Variants in RNF149 observed in about 807,000 individuals in gnomAD.
The protein encoded by RNF149 is E3 ubiquitin-protein ligase RNF149.
A neutral mutation model predicts 39.0 loss-of-function variants in RNF149; 21 were observed. That is an observed-to-expected ratio of 0.54 (90% confidence interval 0.38 to 0.77). The LOEUF is 0.77. RNF149 is among the 30% of genes least tolerant of loss of function. The probability of loss-of-function intolerance (pLI) is 0.00; values close to 1 mark genes in which losing one functional copy is unlikely to be tolerated. For missense variants in RNF149, 493 were observed against 534.9 expected (o/e 0.92, Z 0.77); for synonymous variants, 209 against 213.6 (o/e 0.98, Z 0.19).
chr2:101,272,721 C>G, downstream of RNF149: 1 of 347,384 alleles, frequency 2.9e-6, no homozygotes, highest in South Asian at 2.2e-5. Context: ...ATAATTTCAG[C>G]CTTCATTGAG....
In RNF149 at chr2:101,308,403, G is replaced by A. The variant is rs1247621634; in HGVS notation, c.186C>T (p.Gly62=). 6.2e-7 allele frequency: 1 copy of A among 1,610,608 alleles called. No individual in the cohort carries two copies. Among genetic ancestry groups the A allele is most frequent in the East Asian group, 2.2e-5 (1 of 44,722 alleles). Residue 62 remains glycine, a synonymous_variant, in exon 1 of 7, where the codon GGC becomes GGT. Coordinates refer to ENST00000295317, the MANE Select transcript of RNF149 (RefSeq NM_173647.4). ...NLTVWSVSES[G]RFGDSSPKEG... is the part of the protein sequence containing the mutation. ...CCTTGGGCGAGCTGTCGCCGAAGCGGCCACTCTCCGAGACGCTCCACACCG... is the reference window on the plus strand; with the variant it reads ...CCTTGGGCGAGCTGTCGCCGAAGCGACCACTCTCCGAGACGCTCCACACCG...
intron 1 of RNF149, among the ~76,000 whole-genome samples, chr2:101,298,528 G>C (rs887172890): frequency 1.3e-5 from 2 of 152,040 alleles, no homozygotes; most frequent in Non-Finnish European, 2.9e-5. Context: ...AAGGAAAAAA[G>C]GTATATAAAT....
chr2:101,273,994 A>G (rs1218085314), downstream of RNF149, among the ~76,000 whole-genome samples: 1 of 152,178 alleles, frequency 6.6e-6, no homozygotes. Flanking sequence ...CTGCTGATTA[A>G]GAAATCACAC....
At chr2:101,306,451 T>C (rs1320380818) in intron 1 of RNF149, among the ~76,000 whole-genome samples, 1 of 152,214 alleles carries the variant, frequency 6.6e-6, no homozygotes, top group African/African-American at 2.4e-5. Flanking sequence ...TTGTAATCAC[T>C]GGAATAACCG....
In RNF149 at chr2:101,308,695, C is replaced by G; in HGVS notation, c.-107G>C. ...CCACCGCCGCCCTGGAAGACTGAGG[C>G]GGGGTCGGGGCCGCTGCGCACGCGC... On this transcript the variant is annotated 5_prime_UTR_variant, in exon 1 of 7. Coordinates refer to ENST00000295317, the MANE Select transcript of RNF149 (RefSeq NM_173647.4). 1.9e-6 allele frequency: 2 copies of G among 1,076,516 alleles called. No individual in the cohort carries two copies. Among genetic ancestry groups the G allele is most frequent in the Non-Finnish European group, 2.5e-6 (2 of 790,984 alleles). The allele number at this position is 1,076,516 out of a possible 1,614,324, so 66.7% of individuals were successfully genotyped here. A position where few individuals can be genotyped will look rare whatever the true frequency, so the allele number is the denominator to read the frequency against.
intron 3 of RNF149, among the ~76,000 whole-genome samples, chr2:101,291,211 C>A (rs572485613): frequency 8.6e-5 from 13 of 151,734 alleles, no homozygotes; most frequent in African/African-American, 3.2e-4. Context: ...AGGGCAGTGG[C>A]GCGATCTTGG....
In RNF149 at chr2:101,281,922, C is replaced by T; in HGVS notation, c.1096G>A (p.Glu366Lys). The change falls in exon 6 of 7, where the codon GAA (glutamate) becomes AAA (lysine). Residue 366 changes from glutamate (E) to lysine (K), a missense_variant. Transcript: ENST00000295317. ...CTGGGATCACACTGTGGCTCAGATT[C>T]AGCAGGGGAGGCTGATGGTGGACTG... is the stretch of plus-strand genomic sequence containing the variant. ...DSSPPSASPA[E>K]SEPQCDPSFK... The T allele has an allele frequency of 3.1e-6, 5 of 1,614,054 alleles. No homozygotes were observed. Among genetic ancestry groups the T allele is most frequent in the Non-Finnish European group, 4.2e-6 (5 of 1,179,990 alleles).
chr2:101,275,979 A>G lies in RNF149; in HGVS notation c.*1259T>C, dbSNP rs1422955503. ...GTTTATTTCAGTAAAACTGTTTACT[A>G]TTTCATGATGAGTAGCTAGAATTAA... On this transcript the variant is annotated 3_prime_UTR_variant, in exon 7 of 7. Transcript: ENST00000295317. 4 of 956,482 alleles carry G rather than the reference A, an allele frequency of 4.2e-6. No homozygotes were observed. Among genetic ancestry groups the G allele is most frequent in the Non-Finnish European group, 1.2e-6 (1 of 803,796 alleles). 59.2% of individuals were successfully genotyped at this position (956,482 alleles called of 1,614,324 possible).
At chr2:101,278,517 G>A (rs1376996831) in intron 6 of RNF149, among the ~76,000 whole-genome samples, 6 of 151,900 alleles carry the variant, frequency 3.9e-5, no homozygotes, top group Non-Finnish European at 7.4e-5. Context: ...AAATATAAGT[G>A]TATATTTATA....
At chr2:101,306,488 C>T (rs1683664684) in intron 1 of RNF149, among the ~76,000 whole-genome samples, 1 of 152,194 alleles carries the variant, frequency 6.6e-6, no homozygotes, top group Non-Finnish European at 1.5e-5. Flanking sequence ...TAGCCCAGTG[C>T]CACCACATGG....
At position 101,276,633 on chromosome 2, in the gene RNF149, A is replaced by C; in HGVS notation, c.*605T>G. ...AAGAAATGAGGCAATAAAGGGAAAAATGCAAATCCTAAAGTCATCTAGTGC... is the reference window on the plus strand; with the variant it reads ...AAGAAATGAGGCAATAAAGGGAAAACTGCAAATCCTAAAGTCATCTAGTGC... On this transcript the variant is annotated 3_prime_UTR_variant, in exon 7 of 7. Coordinates refer to ENST00000295317, the MANE Select transcript of RNF149 (RefSeq NM_173647.4). The C allele has an allele frequency of 1.0e-6, 1 of 985,864 alleles. No homozygotes were observed. The allele number at this position is 985,864 out of a possible 1,614,324, so 61.1% of individuals were successfully genotyped here. A position where few individuals can be genotyped will look rare whatever the true frequency, so the allele number is the denominator to read the frequency against.
Position 101,308,672 on chromosome 2 carries a change from A to ACCG in RNF149, c.-87_-85dup. On this transcript the variant is annotated 5_prime_UTR_variant, in exon 1 of 7. Coordinates refer to ENST00000295317, the MANE Select transcript of RNF149 (RefSeq NM_173647.4). ...GAAGAGCAGAGAGAAGCGGACACCCACCGCCGCCCTGGAAGACTGAGGCGG... is the reference window on the plus strand; with the variant it reads ...GAAGAGCAGAGAGAAGCGGACACCCACCGCCGCCGCCCTGGAAGACTGAGGCGG... The ACCG allele has an allele frequency of 8.0e-7, 1 of 1,254,296 alleles. No homozygotes were observed. Among genetic ancestry groups the ACCG allele is most frequent in the East Asian group, 2.8e-5 (1 of 35,196 alleles). The allele number at this position is 1,254,296 out of a possible 1,614,324, so 77.7% of individuals were successfully genotyped here. A position where few individuals can be genotyped will look rare whatever the true frequency, so the allele number is the denominator to read the frequency against.
intron 1 of RNF149, among the ~76,000 whole-genome samples, chr2:101,300,796 A>G (rs1683423716): frequency 6.6e-6 from 1 of 152,264 alleles, no homozygotes; most frequent in Non-Finnish European, 1.5e-5. Flanking sequence ...TTGCTTTTCC[A>G]GAACATTTCA....
chr2:101,272,294 G>A (rs1682159913), downstream of RNF149, among the ~76,000 whole-genome samples: 1 of 152,090 alleles, frequency 6.6e-6, no homozygotes, highest in Non-Finnish European at 1.5e-5. Context: ...GCAAAGAAAA[G>A]CATGGGTTGG....
intron 1 of RNF149, among the ~76,000 whole-genome samples, chr2:101,301,817 A>G (rs974239548): frequency 1.3e-5 from 2 of 152,226 alleles, no homozygotes; most frequent in African/African-American, 4.8e-5. Flanking sequence ...ACATGAGTCT[A>G]GTGTACTATT....
rs1682373478 is a variant in RNF149 at position 101,277,091 on chromosome 2, A to G, written c.*147T>C. 2.1e-6 allele frequency: 3 copies of G among 1,409,222 alleles called. No individual in the cohort carries two copies. The highest frequency in any genetic ancestry group is 2.7e-5 in the East Asian group (1 of 36,964). 87.3% of individuals were successfully genotyped at this position (1,409,222 alleles called of 1,614,324 possible). A position where few individuals can be genotyped will look rare whatever the true frequency, so the allele number is the denominator to read the frequency against. On this transcript the variant is annotated 3_prime_UTR_variant, in exon 7 of 7. Transcript: ENST00000295317. ...AGTCTCTTCAAGAAGAAAATATCTT[A>G]GTCCTTTGTATATCAAATCAGAATC...
intron 6 of RNF149, among the ~76,000 whole-genome samples, chr2:101,280,718 G>C (rs945809984): frequency 6.6e-5 from 10 of 151,964 alleles, no homozygotes; most frequent in Non-Finnish European, 1.0e-4. Context: ...GGATCAATAT[G>C]AAAAAATTAC....
chr2:101,273,127 C>T (rs577144736), downstream of RNF149: 110 of 1,359,250 alleles, frequency 8.1e-5, 1 homozygote, highest in South Asian at 9.3e-4. Flanking sequence ...AAATTATTAC[C>T]TGCCAAGTGG....
intron 6 of RNF149, among the ~76,000 whole-genome samples, chr2:101,279,422 C>T (rs1682487973): frequency 6.6e-6 from 1 of 152,212 alleles, no homozygotes; most frequent in Non-Finnish European, 1.5e-5. Flanking sequence ...AATCTGGAGG[C>T]TGCTCTTGAA....
Sources: gnomAD v4.1 joint callset for allele counts (sites outside exome capture counted in the v4.1 genomes callset) on GRCh38, gnomAD v4.1.1 for gene constraint, MANE v1.5 for transcripts, NCBI Gene and HGNC (gene_info 2026-07-23, HGNC 2026-07-21) for gene names.